SLC16A7: variants seen among roughly 807,000 people sequenced by gnomAD.
SLC16A7 encodes monocarboxylate transporter 2.
In SLC16A7, 33 loss-of-function variants were observed where a neutral mutation model predicts 34.9. The ratio of observed to expected loss-of-function variants is 0.94; its 90% CI spans 0.72 to 1.26. The LOEUF is 1.26. Among genes scored for constraint, SLC16A7 ranks in the 50% most tolerant of loss-of-function variants. The probability of loss-of-function intolerance (pLI) is 0.00; values close to 1 mark genes in which losing one functional copy is unlikely to be tolerated. For missense variants in SLC16A7, 573 were observed against 578.1 expected (o/e 0.99, Z 0.09); for synonymous variants, 201 against 206.6 (o/e 0.97, Z 0.23).
At chr12:59,674,456 A>T (rs533081682) in intron 2 of SLC16A7, among the ~76,000 whole-genome samples, 2 of 152,204 alleles carry the variant, frequency 1.3e-5, no homozygotes, top group Admixed American at 6.5e-5. Flanking sequence ...GTGACAGGTA[A>T]TCCATATCAC....
chr12:59,779,576 C>A lies in SLC16A7; in HGVS notation c.1334C>A (p.Thr445Asn). The change falls in exon 6 of 6, where the codon ACC (threonine) becomes AAC (asparagine). Residue 445 changes from threonine (T) to asparagine (N), a missense_variant. Transcript: ENST00000547379. Reference protein sequence around the residue: ...ERKEENARQKTRESEPLSKSK... With the variant: ...ERKEENARQKNRESEPLSKSK... ...AAGGAGGAAAATGCAAGGCAGAAGA[C>A]CAGAGAATCTGAACCCTTGAGCAAA... The A allele has an allele frequency of 6.2e-7, 1 of 1,612,152 alleles. No individual in the cohort carries two copies. The highest frequency in any genetic ancestry group is 1.1e-5 in the South Asian group (1 of 90,986).
intron 2 of SLC16A7, among the ~76,000 whole-genome samples, chr12:59,676,758 C>G (rs1186522510): frequency 2.0e-5 from 3 of 152,048 alleles, no homozygotes; most frequent in Non-Finnish European, 4.4e-5. Flanking sequence ...GTATTTGTAT[C>G]TACTAAGTAG....
At chr12:59,736,789 T>C (rs1877655869) in intron 3 of SLC16A7, among the ~76,000 whole-genome samples, 1 of 152,218 alleles carries the variant, frequency 6.6e-6, no homozygotes, top group Non-Finnish European at 1.5e-5. Flanking sequence ...GTCCTCCTTA[T>C]GCATAACTTC....
At chr12:59,604,322 C>A (rs780289654) in intron 1 of SLC16A7, among the ~76,000 whole-genome samples, 3 of 152,108 alleles carry the variant, frequency 2.0e-5, no homozygotes, top group Non-Finnish European at 4.4e-5. Context: ...CCTTTCTGTG[C>A]CAACAGTTTA....
intron 3 of SLC16A7, among the ~76,000 whole-genome samples, chr12:59,728,267 C>T (rs1383500287): frequency 6.6e-6 from 1 of 152,180 alleles, no homozygotes; most frequent in East Asian, 1.9e-4. Flanking sequence ...TGGGCACTCA[C>T]TCACTGCTAA....
At chr12:59,643,380 G>A (rs1880771686) in intron 1 of SLC16A7, among the ~76,000 whole-genome samples, 1 of 152,062 alleles carries the variant, frequency 6.6e-6, no homozygotes, top group Non-Finnish European at 1.5e-5. Context: ...AAGCATATAT[G>A]TCTATAAATC....
At chr12:59,699,919 A>C (rs1872696944) in intron 2 of SLC16A7, among the ~76,000 whole-genome samples, 2 of 151,718 alleles carry the variant, frequency 1.3e-5, no homozygotes, top group Admixed American at 1.3e-4. Context: ...TTTATAGTCT[A>C]ATACCATGTT....
intron 2 of SLC16A7, among the ~76,000 whole-genome samples, chr12:59,703,638 G>A (rs764640476): frequency 1.3e-5 from 2 of 152,018 alleles, no homozygotes; most frequent in Non-Finnish European, 2.9e-5. Flanking sequence ...TAGGGATAGG[G>A]CCTGTCTCTG....
At position 59,653,771 on chromosome 12, in the gene SLC16A7, A is replaced by T. The variant is rs1329985662; in HGVS notation, c.-129-1381A>T. 2.0e-5 allele frequency among the ~76,000 whole-genome samples: 3 copies of T among 151,822 alleles called. No homozygotes were observed. The South Asian group carries it at 6.2e-4, about 31-fold the overall frequency. On this transcript the variant is annotated intron_variant, in intron 1 of 5. Transcript: ENST00000547379. ...CCTAAAATTCCTTCCATTTTAGATT[A>T]CAATGTCAAGGTTCTCTGGTTAAAT...
chr12:59,602,039 A>T (rs1878709150), intron 1 of SLC16A7, among the ~76,000 whole-genome samples: 1 of 152,178 alleles, frequency 6.6e-6, no homozygotes. Context: ...ATTTTAATAT[A>T]CCTGTGGTGG....
chr12:59,748,860 ACTT>A (rs1241176286), intron 3 of SLC16A7, among the ~76,000 whole-genome samples: 2 of 152,220 alleles, frequency 1.3e-5, no homozygotes, highest in Admixed American at 6.5e-5. Flanking sequence ...GCAAATGACA[ACTT>A]AAAGTAAAAG....
chr12:59,714,473 G>A (rs564268040), intron 3 of SLC16A7, among the ~76,000 whole-genome samples: 10 of 151,924 alleles, frequency 6.6e-5, no homozygotes, highest in East Asian at 1.9e-4. Context: ...CTCTCTCTTC[G>A]GCTTGTTAGA....
chr12:59,652,916 G>T (rs537099872), intron 1 of SLC16A7, among the ~76,000 whole-genome samples: 22 of 151,868 alleles, frequency 1.4e-4, no homozygotes, highest in African/African-American at 5.3e-4. Flanking sequence ...CAAGGTGAAG[G>T]TTACTTGGAA....
chr12:59,696,107 C>T (rs1370993645), intron 2 of SLC16A7, among the ~76,000 whole-genome samples: 1 of 151,084 alleles, frequency 6.6e-6, no homozygotes, highest in East Asian at 1.9e-4. Flanking sequence ...ATAGTGAATG[C>T]CAATAAGAAT....
chr12:59,669,075 A>T (rs1043547591), intron 2 of SLC16A7, among the ~76,000 whole-genome samples: 2 of 152,174 alleles, frequency 1.3e-5, no homozygotes, highest in Non-Finnish European at 2.9e-5. Flanking sequence ...CTTTATGTGA[A>T]GTGTGAGAAC....
At chr12:59,738,434 C>A (rs1348443955) in intron 3 of SLC16A7, among the ~76,000 whole-genome samples, 1 of 152,092 alleles carries the variant, frequency 6.6e-6, no homozygotes, top group African/African-American at 2.4e-5. Flanking sequence ...TTCTCATGGA[C>A]CAATAACAAG....
chr12:59,705,139 C>A, intron 3 of SLC16A7, 121 bp downstream of exon 3: 1 of 650,624 alleles, frequency 1.5e-6, no homozygotes, highest in Non-Finnish European at 2.7e-6. Flanking sequence ...TCACTTAAAA[C>A]CAATCAAAAG....
intron 1 of SLC16A7, among the ~76,000 whole-genome samples, chr12:59,601,824 G>A (rs180966650): frequency 2.0e-5 from 3 of 152,258 alleles, no homozygotes; most frequent in East Asian, 3.9e-4. Context: ...TTTTATAAGG[G>A]TGCTAATCCC....
chr12:59,704,744 A>T, intron 2 of SLC16A7, 28 bp from the exon 3 acceptor site: 1 of 1,182,322 alleles, frequency 8.5e-7, no homozygotes, highest in Non-Finnish European at 1.2e-6. Context: ...AATAAAATTT[A>T]AACTGTTATT....
Sources: gnomAD v4.1 joint callset for allele counts (sites outside exome capture counted in the v4.1 genomes callset) on GRCh38, gnomAD v4.1.1 for gene constraint, MANE v1.5 for transcripts, NCBI Gene and HGNC (gene_info 2026-07-23, HGNC 2026-07-21) for gene names.